IGFBP2: variants seen among roughly 807,000 people sequenced by gnomAD.
The protein encoded by IGFBP2 is insulin like growth factor binding protein 2, also known as insulin-like growth factor-binding protein 2.
In IGFBP2, 12 loss-of-function variants were observed where a neutral mutation model predicts 26.2. The ratio of observed to expected loss-of-function variants is 0.46; its 90% CI spans 0.29 to 0.74. The LOEUF is 0.74. Ranked by LOEUF, IGFBP2 falls within the 30% of genes least tolerant of loss-of-function variation. The pLI is 0.09. For missense variants in IGFBP2, 328 were observed against 441.2 expected (o/e 0.74, Z 2.30); for synonymous variants, 189 against 200.6 (o/e 0.94, Z 0.49).
Position 216,647,568 on chromosome 2 carries a change from G to A in IGFBP2, c.443-12989G>A, listed in dbSNP as rs182407909. On this transcript the variant is annotated intron_variant, in intron 1 of 3. Transcript: ENST00000233809. ...AGAGTCCCCCTGTTATGCCCAGGCT[G>A]GAGTGCAGTGGCGTGATCTCGGCTT... 2.0e-3 allele frequency among the ~76,000 whole-genome samples: 312 copies of A among 152,288 alleles called. 4 individuals carry two copies. Among genetic ancestry groups the A allele is most frequent in the Admixed American group, 7.0e-3 (107 of 15,304 alleles).
At chr2:216,637,525 A>G (rs1466809936) in intron 1 of IGFBP2, among the ~76,000 whole-genome samples, 3 of 152,250 alleles carry the variant, frequency 2.0e-5, no homozygotes, top group African/African-American at 7.2e-5. Flanking sequence ...CATATGTCCA[A>G]AACATTTACT....
rs566622619 is a variant in IGFBP2, at chr2:216,660,160, C to T, written c.443-397C>T. ...CTTAAACCCATTCCATGGTCAGGGC[C>T]TTTCAAATGCATTCATCCCTCTGTG... On this transcript the variant is annotated intron_variant, in intron 1 of 3. Transcript: ENST00000233809. Among the ~76,000 whole-genome samples, 9 of 152,262 alleles carry T rather than the reference C, an allele frequency of 5.9e-5. No homozygotes were observed. In the South Asian group the frequency reaches 1.9e-3, roughly 32 times the overall value.
At chr2:216,645,163 C>G (rs1442562264) in intron 1 of IGFBP2, among the ~76,000 whole-genome samples, 4 of 152,142 alleles carry the variant, frequency 2.6e-5, no homozygotes, top group African/African-American at 7.2e-5. Context: ...TGCCCTGCCC[C>G]GTGACTTCCT....
At chr2:216,655,261 G>A (rs769507041) in intron 1 of IGFBP2, among the ~76,000 whole-genome samples, 2 of 151,976 alleles carry the variant, frequency 1.3e-5, no homozygotes, top group African/African-American at 4.8e-5. Context: ...GCTTTGTGTC[G>A]CCACCCAAAT....
At position 216,664,362 on chromosome 2, in the gene IGFBP2, G is replaced by A. The variant is rs1029421768; in HGVS notation, c.*258G>A. Reference sequence around the variant, plus strand: ...GTCGGGGAGCTGGGGTACAGGTTTGGGGAGGGGGAAGAGAAATTTTTATTT... The same window carrying A: ...GTCGGGGAGCTGGGGTACAGGTTTGAGGAGGGGGAAGAGAAATTTTTATTT... On this transcript the variant is annotated 3_prime_UTR_variant, in exon 4 of 4. Transcript: ENST00000233809. The surrounding 1 kb of genome is among the most constrained non-coding windows in gnomAD (Gnocchi z 4.6). 3 of 365,542 alleles carry A rather than the reference G, an allele frequency of 8.2e-6. No individual in the cohort carries two copies. The highest frequency in any genetic ancestry group is 9.9e-5 in the South Asian group (1 of 10,088). 22.6% of individuals were successfully genotyped at this position (365,542 alleles called of 1,614,324 possible). A position where few individuals can be genotyped will look rare whatever the true frequency, so the allele number is the denominator to read the frequency against.
chr2:216,650,007 T>C (rs930941575), intron 1 of IGFBP2, among the ~76,000 whole-genome samples: 2 of 152,226 alleles, frequency 1.3e-5, no homozygotes, highest in African/African-American at 2.4e-5. Context: ...GCAAAGCTTA[T>C]ACCCGAGACC....
intron 1 of IGFBP2, among the ~76,000 whole-genome samples, chr2:216,651,798 A>G (rs1041471577): frequency 6.6e-6 from 1 of 152,224 alleles, no homozygotes; most frequent in Admixed American, 6.5e-5. Flanking sequence ...TTTGTCGCCC[A>G]GGCTGGAGTG....
Position 216,664,256 on chromosome 2 carries a change from A to C in IGFBP2, c.*152A>C, listed in dbSNP as rs1574571181. ...GAAAGAGACCAGCACCGAGCTCGGC[A>C]CCTCCCCGGCCTCTCTCTTCCCAGC... On this transcript the variant is annotated 3_prime_UTR_variant, in exon 4 of 4. Transcript: ENST00000233809. The surrounding 1 kb of genome is among the most constrained non-coding windows in gnomAD (Gnocchi z 4.6). 3.6e-6 allele frequency: 2 copies of C among 549,436 alleles called. No homozygotes were observed. Among genetic ancestry groups the C allele is most frequent in the Non-Finnish European group, 6.0e-6 (2 of 335,052 alleles). The allele number at this position is 549,436 out of a possible 1,614,324, so 34.0% of individuals were successfully genotyped here. A position where few individuals can be genotyped will look rare whatever the true frequency, so the allele number is the denominator to read the frequency against.
upstream of IGFBP2, among the ~76,000 whole-genome samples, chr2:216,633,199 T>C (rs1574549533): frequency 6.6e-6 from 1 of 152,062 alleles, no homozygotes; most frequent in East Asian, 1.9e-4. Flanking sequence ...TCAGGAGTCA[T>C]AGTCAGGCCA....
At chr2:216,663,561 G>GT (rs1688699667) in intron 3 of IGFBP2, 1 of 190,572 alleles carries the variant, frequency 5.2e-6, no homozygotes, top group African/African-American at 2.3e-5. Context: ...GCAACATGAG[G>GT]TTTTACACCT....
chr2:216,633,090 G>C (rs2106183481), upstream of IGFBP2: 1 of 152,278 alleles, frequency 6.6e-6, no homozygotes, highest in South Asian at 2.1e-4. Context: ...GCGCGCAAAC[G>C]AAGTCCTCGC....
intron 1 of IGFBP2, among the ~76,000 whole-genome samples, chr2:216,640,564 T>G (rs1201663312): frequency 6.6e-6 from 1 of 152,190 alleles, no homozygotes; most frequent in African/African-American, 2.4e-5. Context: ...GTGCCTGCTT[T>G]GTCTCCTGTC....
At chr2:216,662,172 G>T (rs116157949) in intron 3 of IGFBP2, 174 bp downstream of exon 3, 268 of 714,550 alleles carry the variant, frequency 3.8e-4, no homozygotes, top group Non-Finnish European at 5.2e-4. Flanking sequence ...GGAGGGTGCA[G>T]CTCTTCTCCC....
intron 1 of IGFBP2, among the ~76,000 whole-genome samples, chr2:216,658,558 A>G (rs1697962961): frequency 6.9e-6 from 1 of 145,288 alleles, no homozygotes; most frequent in Admixed American, 6.7e-5. Context: ...TTATTTATTT[A>G]TTTATTTTTG....
At chr2:216,636,281 C>A (rs560098632) in intron 1 of IGFBP2, among the ~76,000 whole-genome samples, 4 of 152,200 alleles carry the variant, frequency 2.6e-5, no homozygotes, top group Non-Finnish European at 5.9e-5. Flanking sequence ...GAGCACCCCC[C>A]CTCCAGCCTG....
intron 1 of IGFBP2, among the ~76,000 whole-genome samples, chr2:216,658,709 C>T (rs1697967371): frequency 6.6e-6 from 1 of 151,906 alleles, no homozygotes; most frequent in South Asian, 2.1e-4. Context: ...GCCACCACAC[C>T]CGGCTAATTT....
chr2:216,644,301 C>T (rs891980851), intron 1 of IGFBP2, among the ~76,000 whole-genome samples: 3 of 152,102 alleles, frequency 2.0e-5, no homozygotes, highest in Non-Finnish European at 4.4e-5. Flanking sequence ...GGGGCAGGGG[C>T]TGGCAAACAC....
At chr2:216,640,939 C>G (rs1031019646) in intron 1 of IGFBP2, among the ~76,000 whole-genome samples, 1 of 152,164 alleles carries the variant, frequency 6.6e-6, no homozygotes, top group Non-Finnish European at 1.5e-5. Flanking sequence ...AAGAAGGTCA[C>G]AGGGTGGGCC....
At chr2:216,658,589 G>T (rs942134264) in intron 1 of IGFBP2, among the ~76,000 whole-genome samples, 2 of 151,442 alleles carry the variant, frequency 1.3e-5, no homozygotes, top group African/African-American at 4.9e-5. Flanking sequence ...TTGCTCTGTC[G>T]CCCAGGCTGG....
Sources: gnomAD v4.1 joint callset for allele counts (sites outside exome capture counted in the v4.1 genomes callset) on GRCh38, gnomAD v4.1.1 for gene constraint, Gnocchi (gnomAD v3.1) non-coding constraint, MANE v1.5 for transcripts, NCBI Gene and HGNC (gene_info 2026-07-23, HGNC 2026-07-21) for gene names.